The following FMN1 variants were observed in gnomAD, a reference collection of about 807,000 sequenced individuals.
FMN1 encodes formin 1.
FMN1 carries 110 observed loss-of-function variants against 132.4 expected under a neutral mutation model. The ratio of observed to expected loss-of-function variants is 0.83; its 90% CI spans 0.71 to 0.97. The LOEUF (loss-of-function observed/expected upper bound fraction) is 0.97, where lower values mean the gene tolerates loss of function less well. Among genes scored for constraint, FMN1 ranks in the 50% least tolerant of loss-of-function variants. FMN1 has a pLI of 0.00. For missense variants in FMN1, 1,792 were observed against 1,705.3 expected, an observed-to-expected ratio of 1.05 and a Z score of -0.90; for synonymous variants, 722 against 651.7, an observed-to-expected ratio of 1.11 and a Z score of -1.64.
At chr15:32,864,799 C>T (rs1392685238) in intron 16 of FMN1, among the ~76,000 whole-genome samples, 1 of 152,140 alleles carries the variant, frequency 6.6e-6, no homozygotes, top group Non-Finnish European at 1.5e-5. Context: ...CTAATTAGAA[C>T]ATTGTACTTA....
At chr15:32,926,053 G>C in intron 10 of FMN1, 121 bp downstream of exon 10, 1 of 605,666 alleles carries the variant, frequency 1.7e-6, no homozygotes, top group South Asian at 2.3e-5. Context: ...TTCTGTAGCT[G>C]AGTATTGGGT....
chr15:32,862,671 T>TG (rs2059298616), intron 16 of FMN1, among the ~76,000 whole-genome samples: 1 of 152,250 alleles, frequency 6.6e-6, no homozygotes, highest in Non-Finnish European at 1.5e-5. Context: ...AATGTAGCAG[T>TG]AAGACCCAGA....
rs758033400 is a variant in FMN1 at position 32,969,181 on chromosome 15, C to T, written c.2520G>A (p.Gln840=). 6.2e-7 allele frequency: 1 copy of T among 1,613,906 alleles called. No homozygotes were observed. The highest frequency in any genetic ancestry group is 1.7e-5 in the Admixed American group (1 of 60,012). ...PKKLNISSLS[Q]LSPPNDHKDI... is the part of the protein sequence containing the mutation. ...CTTTGTGGTCATTTGGGGGTGAGAGCTGGCTTAAAGAGGAGATATTCAGCT... is the reference window on the plus strand; with the variant it reads ...CTTTGTGGTCATTTGGGGGTGAGAGTTGGCTTAAAGAGGAGATATTCAGCT... Residue 840 remains glutamine (Q), a synonymous_variant, in exon 8 of 21, where the codon CAG becomes CAA. Coordinates refer to ENST00000616417, the MANE Select transcript of FMN1 (RefSeq NM_001277313.2).
intron 6 of FMN1, among the ~76,000 whole-genome samples, chr15:33,034,272 C>T (rs1332618369): frequency 1.3e-5 from 2 of 152,144 alleles, no homozygotes; most frequent in Non-Finnish European, 2.9e-5. Context: ...TTCTCCAGTC[C>T]ATGGCAATTC....
chr15:33,168,664 GACGTGGT>G (rs1965200685), intron 3 of FMN1, among the ~76,000 whole-genome samples: 1 of 152,228 alleles, frequency 6.6e-6, no homozygotes, highest in Admixed American at 6.5e-5. Context: ...GTCAAAGTTT[GACGTGGT>G]CCTCTTTGTG....
intron 15 of FMN1, among the ~76,000 whole-genome samples, chr15:32,897,118 A>T (rs529289733): frequency 1.6e-4 from 24 of 152,292 alleles, no homozygotes; most frequent in Non-Finnish European, 3.1e-4. Context: ...TTTTATTAAC[A>T]GCCATCCTAA....
chr15:32,768,247 G>C lies in FMN1; in HGVS notation c.*6063C>G, dbSNP rs562876556. 1 of 152,120 alleles carries C rather than the reference G, an allele frequency of 6.6e-6. No homozygotes were observed. The highest frequency in any genetic ancestry group is 2.4e-5 in the African/African-American group (1 of 41,386). 9.4% of individuals were successfully genotyped at this position (152,120 alleles called of 1,614,324 possible). ...TTCCCTGAATAGCCAGTGGTCTATG[G>C]GACTAACCTTTCATTTGGGAAAGAC... On this transcript the variant is annotated 3_prime_UTR_variant, in exon 21 of 21. Transcript: ENST00000616417.
intron 17 of FMN1, among the ~76,000 whole-genome samples, chr15:32,808,178 A>G (rs1209943095): frequency 6.6e-6 from 1 of 152,236 alleles, no homozygotes; most frequent in Non-Finnish European, 1.5e-5. Context: ...ACAATTCTGA[A>G]GTTCATAGTT....
rs559802026 is a variant in FMN1 at position 32,950,246 on chromosome 15, A to G, written c.3138+13861T>C. Among the ~76,000 whole-genome samples, 4 of 151,268 alleles carry G rather than the reference A, an allele frequency of 2.6e-5. No homozygotes were observed. In the Admixed American group the frequency reaches 2.7e-4, roughly 10 times the overall value. On this transcript the variant is annotated intron_variant, in intron 9 of 20. Coordinates refer to ENST00000616417, the MANE Select transcript of FMN1 (RefSeq NM_001277313.2). ...CTTTTACACTGTTGGTGGGAGAGTA[A>G]ATTAGTTCAACTATTGTGAAAGACA... is the stretch of plus-strand genomic sequence containing the variant.
At chr15:33,121,550 T>TA (rs1307279444) in intron 4 of FMN1, among the ~76,000 whole-genome samples, 12 of 152,176 alleles carry the variant, frequency 7.9e-5, no homozygotes, top group Admixed American at 6.5e-4. Flanking sequence ...TTTTGTTTTT[T>TA]AGATAGTCTT....
At position 32,981,147 on chromosome 15, in the gene FMN1, T is replaced by C. The variant is rs549822158; in HGVS notation, c.2224-11670A>G. On this transcript the variant is annotated intron_variant, in intron 7 of 20. Coordinates refer to ENST00000616417, the MANE Select transcript of FMN1 (RefSeq NM_001277313.2). ...AAAATGTTTCCATTTGTAACTATTT[T>C]GTAAAATGTGATTTTTAAGATTTTC... Among the ~76,000 whole-genome samples, 3 of 152,346 alleles carry C rather than the reference T, an allele frequency of 2.0e-5. No individual in the cohort carries two copies. In the East Asian group the frequency reaches 5.8e-4, roughly 29 times the overall value.
intron 6 of FMN1, among the ~76,000 whole-genome samples, chr15:33,060,998 C>T (rs532811119): frequency 2.6e-5 from 4 of 152,228 alleles, no homozygotes; most frequent in East Asian, 1.9e-4. Flanking sequence ...GAGATGGAGG[C>T]GAAACGAAGC....
At chr15:32,818,528 C>T (rs1474023005) in intron 17 of FMN1, among the ~76,000 whole-genome samples, 2 of 151,986 alleles carry the variant, frequency 1.3e-5, no homozygotes, top group Non-Finnish European at 2.9e-5. Flanking sequence ...ATTGCTTCAC[C>T]CTTTAGTCTT....
intron 19 of FMN1, among the ~76,000 whole-genome samples, chr15:32,797,204 C>T (rs760186900): frequency 2.0e-4 from 30 of 152,232 alleles, no homozygotes; most frequent in Non-Finnish European, 4.3e-4. Flanking sequence ...GTTATTTCAA[C>T]AGAAGATCAT....
intron 17 of FMN1, among the ~76,000 whole-genome samples, chr15:32,823,307 A>C (rs143208668): frequency 2.0e-5 from 3 of 151,466 alleles, no homozygotes; most frequent in Non-Finnish European, 1.5e-5. Context: ...GACTACAGGC[A>C]CCCACCACCA....
chr15:32,884,098 G>A (rs890767456), intron 16 of FMN1, among the ~76,000 whole-genome samples: 1 of 150,026 alleles, frequency 6.7e-6, no homozygotes, highest in African/African-American at 2.4e-5. Context: ...CAATCAGAAA[G>A]AAGAGTCCAC....
chr15:32,840,669 G>A (rs1372803010), intron 17 of FMN1, among the ~76,000 whole-genome samples: 1 of 152,170 alleles, frequency 6.6e-6, no homozygotes, highest in Non-Finnish European at 1.5e-5. Flanking sequence ...TCGTGTGGGT[G>A]GGAGGCAGTC....
At chr15:33,161,931 GAAAA>G (rs76817753) in intron 3 of FMN1, among the ~76,000 whole-genome samples, 1 of 146,290 alleles carries the variant, frequency 6.8e-6, no homozygotes, top group East Asian at 2.1e-4. Context: ...AAACAAAAAA[GAAAA>G]AAAAAAAAAG....
At chr15:33,047,048 T>A (rs1435269825) in intron 6 of FMN1, among the ~76,000 whole-genome samples, 1 of 152,230 alleles carries the variant, frequency 6.6e-6, no homozygotes, top group Non-Finnish European at 1.5e-5. Context: ...TTGTTTTATG[T>A]CCTTGGGAAC....
Sources: gnomAD v4.1 joint callset for allele counts (sites outside exome capture counted in the v4.1 genomes callset) on GRCh38, gnomAD v4.1.1 for gene constraint, MANE v1.5 for transcripts, NCBI Gene and HGNC (gene_info 2026-07-23, HGNC 2026-07-21) for gene names.